Variants in ITGA7 observed in about 807,000 individuals in gnomAD.
The protein encoded by ITGA7 is integrin alpha-7.
Under a neutral mutation model 131.6 loss-of-function variants are expected in ITGA7, and 84 were observed. That is an observed-to-expected ratio of 0.64 (90% CI 0.54 to 0.77). ITGA7 has a LOEUF of 0.77. Among genes scored for constraint, ITGA7 ranks in the 30% least tolerant of loss-of-function variants. The probability of loss-of-function intolerance (pLI) is 0.00; values close to 1 mark genes in which losing one functional copy is unlikely to be tolerated. For synonymous variants in ITGA7, 548 were observed against 600.7 expected (o/e 0.91, Z 1.28); for missense variants, 1,399 against 1,482.9 (o/e 0.94, Z 0.93).
At chr12:55,685,505 G>A (rs754710332) in intron 24 of ITGA7, among the ~76,000 whole-genome samples, 5 of 152,148 alleles carry the variant, frequency 3.3e-5, no homozygotes, top group Admixed American at 2.0e-4. Flanking sequence ...CCAGAAGGGC[G>A]TCCAAGAGGC....
chr12:55,710,680 T>C (rs920251783), upstream of ITGA7, among the ~76,000 whole-genome samples: 2 of 151,974 alleles, frequency 1.3e-5, no homozygotes, highest in Non-Finnish European at 2.9e-5. Flanking sequence ...GGAGTGTCAC[T>C]TGAGCCCAGG....
rs55965078 is a variant in ITGA7, at chr12:55,701,007, G to C, written c.562C>G (p.Pro188Ala). The change falls in exon 4 of 25, where the codon CCC (proline) becomes GCC (alanine). Residue 188 changes from proline (P) to alanine (A), a missense_variant. Transcript: ENST00000257879. ...AACCCAAATTGTTCATGGCCTTGGG[G>C]GCGTCCCTCACAGAACTTCCATTCC... is the stretch of plus-strand genomic sequence containing the variant. ...GGEWKFCEGR[P>A]QGHEQFGFCQ... 1 of 1,614,212 alleles carries C rather than the reference G, an allele frequency of 6.2e-7. No individual in the cohort carries two copies. Among genetic ancestry groups the C allele is most frequent in the South Asian group, 1.1e-5 (1 of 91,090 alleles).
rs544232298 is a variant in ITGA7 at position 55,700,821 on chromosome 12, C to T, written c.670+78G>A. 1.5e-4 allele frequency: 239 copies of T among 1,581,622 alleles called. 1 individual carries two copies. In the African/African-American group the frequency reaches 2.9e-3, roughly 19 times the overall value. ...CAGTGCACATGTGGTCATGCTTGGC[C>T]ATGTGCCATCCCCAACCCTGTCTCT... is the stretch of plus-strand genomic sequence containing the variant. On this transcript the variant is annotated intron_variant, in intron 4 of 24. Transcript: ENST00000257879.
At chr12:55,689,851 G>A (rs12228300) in intron 21 of ITGA7, among the ~76,000 whole-genome samples, 74,151 of 151,906 alleles carry the variant, frequency 0.49, 19,798 homozygotes, top group East Asian at 0.93. Flanking sequence ...TGACAAACCT[G>A]AGAAAAACAA....
intron 5 of ITGA7, 23 bp downstream of exon 5, chr12:55,699,847 C>A (rs1248093717): frequency 1.9e-6 from 3 of 1,591,272 alleles, no homozygotes; most frequent in Non-Finnish European, 2.6e-6. Flanking sequence ...CCCCTAGAGT[C>A]CAGGAGGTGG....
Position 55,693,215 on chromosome 12 carries a change from G to C in ITGA7, c.2638C>G (p.Gln880Glu). The C allele has an allele frequency of 6.2e-7, 1 of 1,613,968 alleles. No homozygotes were observed. The highest frequency in any genetic ancestry group is 8.5e-7 in the Non-Finnish European group (1 of 1,179,938). ...ANGKWLLYPMQVELEGGQGPG... is the reference protein window; with the variant it reads ...ANGKWLLYPMEVELEGGQGPG... The stretch of plus-strand genomic sequence containing the variant: ...CCCTGCCCGCCCTCCAGCTCAACCT[G>C]CATTGGGTACAGCAACCACTTCCCA... The change falls in exon 20 of 25, where the codon CAG (glutamine) becomes GAG (glutamate). Residue 880 changes from glutamine to glutamate, a missense_variant. Physicochemically the swap from Gln to Glu is conservative, Grantham distance 29. Transcript: ENST00000257879.
chr12:55,713,912 T>A (rs533262014), upstream of ITGA7, among the ~76,000 whole-genome samples: 10 of 152,316 alleles, frequency 6.6e-5, no homozygotes, highest in Middle Eastern at 3.4e-3. Flanking sequence ...TCTAATGCAA[T>A]CAGCACCCAT....
At position 55,698,533 on chromosome 12, in the gene ITGA7, G is replaced by A. The variant is rs201654278; in HGVS notation, c.1042C>T (p.Gln348Ter). The change falls in exon 7 of 25, where the codon CAA becomes TAA. Residue 348 changes from glutamine (Q) to a stop codon, truncating the protein, a stop_gained. Coordinates refer to ENST00000257879, the MANE Select transcript of ITGA7 (RefSeq NM_002206.3). LOFTEE classifies it high-confidence loss of function. ...IVGAPYFFER[Q>*]EELGGAVYVY... ...TACACAGCACCCCCCAGCTCTTCTT[G>A]GCGCTCAAAGAAGTAGGGGGCACCC... 6.2e-7 allele frequency: 1 copy of A among 1,613,992 alleles called. No homozygotes were observed. The highest frequency in any genetic ancestry group is 2.2e-5 in the East Asian group (1 of 44,856).
chr12:55,705,325 C>T (rs1418875729), intron 1 of ITGA7, among the ~76,000 whole-genome samples: 1 of 151,912 alleles, frequency 6.6e-6, no homozygotes, highest in Non-Finnish European at 1.5e-5. Context: ...CCCTAACCAC[C>T]CCAGTCTTCT....
chr12:55,702,108 C>T (rs1874162061), intron 3 of ITGA7, among the ~76,000 whole-genome samples: 1 of 152,114 alleles, frequency 6.6e-6, no homozygotes, highest in Admixed American at 6.5e-5. Context: ...CTCCTCCACC[C>T]AGGTTCAAGT....
intron 24 of ITGA7, chr12:55,686,158 A>G: frequency 9.1e-7 from 1 of 1,103,042 alleles, no homozygotes; most frequent in Non-Finnish European, 1.2e-6. Context: ...TCACACACAT[A>G]CATACCCACA....
chr12:55,697,746 T>C lies in ITGA7; in HGVS notation c.1358A>G (p.Gln453Arg), dbSNP rs1452597654. ...LSGSLDMDGN[Q>R]YPDLLVGSLA... Reference sequence around the variant, plus strand: ...GGAGCCCACCAGCAGGTCAGGGTATTGGTTCCCATCCATATCCAAGCTGCC... The same window carrying C: ...GGAGCCCACCAGCAGGTCAGGGTATCGGTTCCCATCCATATCCAAGCTGCC... Residue 453 changes from glutamine (Q) to arginine (R), a missense_variant, in exon 9 of 25, where the codon CAA becomes CGA. Physicochemically the swap from Gln to Arg is conservative, Grantham distance 43 (BLOSUM62 1). Transcript: ENST00000257879. 1 of 1,614,092 alleles carries C rather than the reference T, an allele frequency of 6.2e-7. No homozygotes were observed. Among genetic ancestry groups the C allele is most frequent in the East Asian group, 2.2e-5 (1 of 44,886 alleles).
upstream of ITGA7, chr12:55,716,216 G>T: frequency 6.3e-7 from 1 of 1,594,960 alleles, no homozygotes; most frequent in Non-Finnish European, 8.5e-7. Context: ...ATATCCTGTC[G>T]GCCGTTTTCT....
intron 3 of ITGA7, among the ~76,000 whole-genome samples, chr12:55,701,958 C>T (rs1386562206): frequency 6.6e-6 from 1 of 151,968 alleles, no homozygotes; most frequent in African/African-American, 2.4e-5. Context: ...TGTATCTATG[C>T]GTGTTACTGA....
In ITGA7 at chr12:55,696,411, G is replaced by A. The variant is rs139024853; in HGVS notation, c.1759C>T (p.Arg587Trp). The A allele has an allele frequency of 1.1e-5, 18 of 1,601,090 alleles. No individual in the cohort carries two copies. Among genetic ancestry groups the A allele is most frequent in the African/African-American group, 2.7e-5 (2 of 74,798 alleles). The change falls in exon 13 of 25, where the codon CGG becomes TGG. Residue 587 changes from arginine (R) to tryptophan (W), a missense_variant. Coordinates refer to ENST00000257879, the MANE Select transcript of ITGA7 (RefSeq NM_002206.3). ...TAGGACAAGGTCACTACAATGGCCC[G>A]AAGCTTGTCTTTGACATTTTCCTAG... ...QLQENVKDKL[R>W]AIVVTLSYSL... is the part of the protein sequence containing the mutation.
At chr12:55,700,088 A>G in intron 4 of ITGA7, 99 bp from the exon 5 acceptor site, 2 of 1,501,056 alleles carry the variant, frequency 1.3e-6, no homozygotes, top group Middle Eastern at 1.8e-4. Flanking sequence ...ATGGTGGAAG[A>G]AGAAGAGGTG....
At chr12:55,686,055 C>CTAA (rs1870052066) in intron 24 of ITGA7, 2 of 405,588 alleles carry the variant, frequency 4.9e-6, no homozygotes, top group Admixed American at 6.5e-5. Context: ...CTGCACCCTT[C>CTAA]TAATTACCTC....
intron 22 of ITGA7, 76 bp downstream of exon 22, chr12:55,688,768 A>G: frequency 9.5e-7 from 1 of 1,047,702 alleles, no homozygotes; most frequent in Non-Finnish European, 1.5e-6. Flanking sequence ...ACAGTGAGGA[A>G]GGAGGAGGAG....
intron 4 of ITGA7, 47 bp from the exon 5 acceptor site, chr12:55,700,036 G>A: frequency 6.2e-7 from 1 of 1,607,070 alleles, no homozygotes; most frequent in South Asian, 1.1e-5. Context: ...TCCAGAGTAG[G>A]GGCCACAGAG....
Sources: allele counts gnomAD v4.1 joint callset (sites outside exome capture counted in the v4.1 genomes callset), GRCh38; gene constraint gnomAD v4.1.1; transcripts MANE v1.5; gene names NCBI Gene and HGNC (gene_info 2026-07-23, HGNC 2026-07-21).